The following YEATS2 variants were observed in gnomAD, a reference collection of about 807,000 sequenced individuals.
YEATS2 encodes YEATS domain-containing protein 2.
A neutral mutation model predicts 163.2 loss-of-function variants in YEATS2; 77 were observed. That is an observed-to-expected ratio of 0.47 (90% CI 0.39 to 0.57). YEATS2 has a LOEUF of 0.57. YEATS2 is among the 20% of genes least tolerant of loss of function. The pLI is 0.00. For synonymous variants in YEATS2, 631 were observed against 645.1 expected (o/e 0.98, Z 0.33); for missense variants, 1,549 against 1,729.8 (o/e 0.90, Z 1.85).
intron 10 of YEATS2, among the ~76,000 whole-genome samples, chr3:183,753,792 T>G (rs1490083360): frequency 6.6e-6 from 1 of 152,164 alleles, no homozygotes; most frequent in Non-Finnish European, 1.5e-5. Flanking sequence ...TTAGATTTAG[T>G]GAATGCTTTC....
chr3:183,795,251 G>T (rs763649759), intron 21 of YEATS2, among the ~76,000 whole-genome samples: 7 of 151,202 alleles, frequency 4.6e-5, no homozygotes, highest in Non-Finnish European at 8.8e-5. Context: ...AAAAATTGAT[G>T]AATCAAGGCC....
In YEATS2 at chr3:183,761,624, T is replaced by C. The variant is rs1396020403; in HGVS notation, c.1764+10T>C. The C allele has an allele frequency of 1.9e-6, 3 of 1,609,220 alleles. No homozygotes were observed. The highest frequency in any genetic ancestry group is 2.7e-5 in the African/African-American group (2 of 74,838). Reference sequence around the variant, plus strand: ...TGGAGCTTTCACAAAAGTGAGTATGTATTAGGGCATTGTCCCACAAGTCAT... The same window carrying C: ...TGGAGCTTTCACAAAAGTGAGTATGCATTAGGGCATTGTCCCACAAGTCAT... On this transcript the variant is annotated intron_variant, in intron 14 of 30. Coordinates refer to ENST00000305135, the MANE Select transcript of YEATS2 (RefSeq NM_018023.5).
chr3:183,700,603 T>C (rs1355956970), intron 1 of YEATS2, among the ~76,000 whole-genome samples: 3 of 146,644 alleles, frequency 2.0e-5, no homozygotes, highest in African/African-American at 7.5e-5. Flanking sequence ...TCTTTCTTTT[T>C]TTTTTTTTTT....
At chr3:183,744,311 T>TTCA (rs977735043) in intron 8 of YEATS2, among the ~76,000 whole-genome samples, 2 of 151,706 alleles carry the variant, frequency 1.3e-5, no homozygotes, top group Admixed American at 6.6e-5. Flanking sequence ...GAGACGGGGT[T>TTCA]TCATCATGTT....
chr3:183,806,723 A>G (rs1457092378), intron 27 of YEATS2, 143 bp from the exon 28 acceptor site: 1 of 752,918 alleles, frequency 1.3e-6, no homozygotes, highest in Non-Finnish European at 2.2e-6. Context: ...TCATCATTAT[A>G]GATCCATAGA....
At position 183,759,158 on chromosome 3, in the gene YEATS2, C is replaced by A. The variant is rs1252199095; in HGVS notation, c.1656+193C>A. On this transcript the variant is annotated intron_variant, in intron 13 of 30. Coordinates refer to ENST00000305135, the MANE Select transcript of YEATS2 (RefSeq NM_018023.5). The stretch of plus-strand genomic sequence containing the variant: ...CATGAGCTGCACCCCGCCACTTTGC[C>A]GGTTTCTGAACATAGTATGTTCAGC... Among the ~76,000 whole-genome samples, 3 of 152,188 alleles carry A rather than the reference C, an allele frequency of 2.0e-5. No individual in the cohort carries two copies. In the East Asian group the frequency reaches 5.8e-4, roughly 29 times the overall value.
chr3:183,806,520 A>G (rs1448013503), intron 27 of YEATS2: 2 of 433,726 alleles, frequency 4.6e-6, no homozygotes, highest in African/African-American at 4.1e-5. Context: ...TTCACTCTGC[A>G]TTTCTAAATT....
intron 19 of YEATS2, among the ~76,000 whole-genome samples, chr3:183,781,155 C>T (rs982460419): frequency 2.0e-5 from 3 of 152,088 alleles, no homozygotes; most frequent in African/African-American, 4.8e-5. Context: ...AGAATTGGCT[C>T]CTGTGATTAT....
rs559850317 is a variant in YEATS2 at position 183,789,673 on chromosome 3, T to C, written c.2914-1124T>C. 9.3e-5 allele frequency among the ~76,000 whole-genome samples: 14 copies of C among 150,696 alleles called. No individual in the cohort carries two copies. In the East Asian group the frequency reaches 2.7e-3, roughly 30 times the overall value. ...GCCTCAGCCTCCTGAGTAGCTGAGA[T>C]TACAGGCACCCACCACCACGCCCAG... On this transcript the variant is annotated intron_variant, in intron 20 of 30. Coordinates refer to ENST00000305135, the MANE Select transcript of YEATS2 (RefSeq NM_018023.5).
At chr3:183,715,395 G>A (rs1715738105) in intron 2 of YEATS2, 133 bp downstream of exon 2, 1 of 653,916 alleles carries the variant, frequency 1.5e-6, no homozygotes, top group East Asian at 2.8e-5. Context: ...GATTAGCTAA[G>A]GGATCTGTTT....
At chr3:183,714,587 TAA>T (rs1715636589) in intron 1 of YEATS2, among the ~76,000 whole-genome samples, 1 of 152,166 alleles carries the variant, frequency 6.6e-6, no homozygotes, top group Non-Finnish European at 1.5e-5. Context: ...TAGTTTAATA[TAA>T]GTCTATAGAT....
intron 8 of YEATS2, among the ~76,000 whole-genome samples, chr3:183,738,343 C>T (rs894885911): frequency 2.0e-5 from 3 of 147,132 alleles, no homozygotes; most frequent in Admixed American, 1.4e-4. Flanking sequence ...AGGCTAAAAG[C>T]GAGGCCTCTG....
chr3:183,748,818 C>T lies in YEATS2; in HGVS notation c.969+1102C>T, dbSNP rs561802950. Among the ~76,000 whole-genome samples, 12 of 152,054 alleles carry T rather than the reference C, an allele frequency of 7.9e-5. No individual in the cohort carries two copies. The South Asian group carries it at 2.5e-3, about 32-fold the overall frequency. ...TCTTACTATGTTCACAGGCTGGTCT[C>T]GAATTCTTGGCTTCAAGCAGTCCTC... On this transcript the variant is annotated intron_variant, in intron 9 of 30. Transcript: ENST00000305135.
In YEATS2 at chr3:183,807,037, A is replaced by G. The variant is rs769289207; in HGVS notation, c.3956A>G (p.Lys1319Arg). The G allele has an allele frequency of 1.2e-6, 2 of 1,614,164 alleles. No homozygotes were observed. Among genetic ancestry groups the G allele is most frequent in the Non-Finnish European group, 1.7e-6 (2 of 1,180,032 alleles). Residue 1319 changes from lysine (K) to arginine (R), a missense_variant, in exon 28 of 31, where the codon AAG (lysine) becomes AGG (arginine). Lys to Arg is a conservative substitution (Grantham distance 26). Transcript: ENST00000305135. ...CAGGAAGAGAAACAAGAGGAAGTCA[A>G]GTTCTACCTGCCACCAACCCCAGGG... ...KEQEEKQEEV[K>R]FYLPPTPGSE...
chr3:183,762,901 A>G (rs1394724868), intron 15 of YEATS2, among the ~76,000 whole-genome samples: 1 of 152,000 alleles, frequency 6.6e-6, no homozygotes, highest in Non-Finnish European at 1.5e-5. Flanking sequence ...AAAATACAAT[A>G]TTAGCGGGGT....
At chr3:183,790,637 C>G (rs1245347660) in intron 20 of YEATS2, among the ~76,000 whole-genome samples, 160 bp from the exon 21 acceptor site, 1 of 152,138 alleles carries the variant, frequency 6.6e-6, no homozygotes, top group African/African-American at 2.4e-5. Context: ...AACCACTGAA[C>G]TAGAGAAGTA....
At chr3:183,730,078 T>G (rs1384849219) in intron 7 of YEATS2, among the ~76,000 whole-genome samples, 10 of 116,866 alleles carry the variant, frequency 8.6e-5, no homozygotes, top group African/African-American at 4.1e-4. Context: ...TTTTTTTTTT[T>G]TTTTTTTTTG....
At chr3:183,787,467 T>C (rs752305154) in intron 20 of YEATS2, among the ~76,000 whole-genome samples, 30 of 152,316 alleles carry the variant, frequency 2.0e-4, no homozygotes, top group Middle Eastern at 3.4e-3. Flanking sequence ...GTTAATGATA[T>C]TGAGCATCTT....
chr3:183,793,020 A>G (rs1478941373), intron 21 of YEATS2: 3 of 747,152 alleles, frequency 4.0e-6, no homozygotes, highest in Non-Finnish European at 5.7e-6. Context: ...TTTTTCTATA[A>G]TCTGGTATAG....
Sources: allele counts gnomAD v4.1 joint callset (sites outside exome capture counted in the v4.1 genomes callset), GRCh38; gene constraint gnomAD v4.1.1; transcripts MANE v1.5; gene names NCBI Gene and HGNC (gene_info 2026-07-23, HGNC 2026-07-21).